The following TXLNB variants were observed in gnomAD, a reference collection of about 807,000 sequenced individuals.
TXLNB encodes the protein taxilin beta.
Under a neutral mutation model 57.4 loss-of-function variants are expected in TXLNB, and 37 were observed. The ratio of observed to expected loss-of-function variants is 0.64; its 90% CI spans 0.50 to 0.85. The LOEUF is 0.85. Ranked by LOEUF, TXLNB falls within the 40% of genes least tolerant of loss-of-function variation. The pLI is 0.00. For missense variants in TXLNB, 848 were observed against 825.6 expected, an observed-to-expected ratio of 1.03 and a Z score of -0.33; for synonymous variants, 302 against 309.6, an observed-to-expected ratio of 0.98 and a Z score of 0.26.
chr6:139,197,621 G>C, the TXLNB span: 1 of 152,192 alleles, frequency 6.6e-6, no homozygotes, highest in East Asian at 1.9e-4. Flanking sequence ...AGAGGAATCA[G>C]GAATCTGAGG....
At chr6:139,273,373 A>G (rs1776815793) in intron 3 of TXLNB, among the ~76,000 whole-genome samples, 1 of 152,272 alleles carries the variant, frequency 6.6e-6, no homozygotes, top group Non-Finnish European at 1.5e-5. Flanking sequence ...TCTGAGTGTC[A>G]GGAGGAAGAC....
the TXLNB span, among the ~76,000 whole-genome samples, chr6:139,171,228 A>G: frequency 2.6e-5 from 4 of 152,140 alleles, no homozygotes; most frequent in Non-Finnish European, 4.4e-5. Context: ...TAGGAAGAAA[A>G]GAGAAAAAAA....
intron 5 of TXLNB, 47 bp from the exon 6 acceptor site, chr6:139,260,484 C>A: frequency 1.9e-6 from 3 of 1,583,196 alleles, no homozygotes; most frequent in Non-Finnish European, 2.6e-6. Flanking sequence ...ATTATTGGTG[C>A]TTAAAAATGC....
the TXLNB span, among the ~76,000 whole-genome samples, chr6:139,305,422 AC>A: frequency 1.3e-5 from 2 of 152,136 alleles, no homozygotes; most frequent in Non-Finnish European, 2.9e-5. Flanking sequence ...ATGGATTATA[AC>A]CATATGCATT....
the TXLNB span, among the ~76,000 whole-genome samples, chr6:139,215,522 C>T: frequency 6.6e-6 from 1 of 152,072 alleles, no homozygotes; most frequent in Non-Finnish European, 1.5e-5. Context: ...CCATAAAAAC[C>T]CTAGAAGAAA....
chr6:139,314,578 G>T, the TXLNB span, among the ~76,000 whole-genome samples: 1 of 152,114 alleles, frequency 6.6e-6, no homozygotes, highest in African/African-American at 2.4e-5. Context: ...TTGACCACAC[G>T]TTCTCAGGAC....
chr6:139,207,604 C>T, the TXLNB span, among the ~76,000 whole-genome samples: 8 of 151,972 alleles, frequency 5.3e-5, no homozygotes, highest in Non-Finnish European at 1.2e-4. Flanking sequence ...TAAATACAAG[C>T]CCAGCAGAAG....
At chr6:139,187,801 TGA>T in the TXLNB span, among the ~76,000 whole-genome samples, 1 of 152,216 alleles carries the variant, frequency 6.6e-6, no homozygotes, top group African/African-American at 2.4e-5. Context: ...AAAGGTTGAT[TGA>T]GAGAAGATTC....
the TXLNB span, among the ~76,000 whole-genome samples, chr6:139,194,490 A>G: frequency 2.0e-5 from 3 of 152,222 alleles, no homozygotes; most frequent in South Asian, 6.2e-4. Context: ...TTAGACCAGA[A>G]TTCTTGGAAT....
chr6:139,168,177 A>G, the TXLNB span, among the ~76,000 whole-genome samples: 1 of 152,178 alleles, frequency 6.6e-6, no homozygotes, highest in African/African-American at 2.4e-5. Flanking sequence ...TGCTGTCTTC[A>G]TTCTCCAGCT....
Position 139,285,331 on chromosome 6 carries a change from G to A in TXLNB, c.424+3145C>T, listed in dbSNP as rs1191147997. On this transcript the variant is annotated intron_variant, in intron 2 of 9. Coordinates refer to ENST00000358430, the MANE Select transcript of TXLNB (RefSeq NM_153235.4). ...CCCAATTCTTATGTAAAAGTTTTAG[G>A]GTGATTGAAAAATAACTTTTCTGGT... 2.9e-5 allele frequency among the ~76,000 whole-genome samples: 4 copies of A among 139,036 alleles called. 1 individual carries two copies. Among genetic ancestry groups the A allele is most frequent in the African/African-American group, 8.0e-5 (3 of 37,342 alleles). The allele number at this position is 139,036 out of a possible 152,430, so 91.2% of individuals were successfully genotyped here.
chr6:139,220,700 G>C, the TXLNB span, among the ~76,000 whole-genome samples: 1 of 152,158 alleles, frequency 6.6e-6, no homozygotes, highest in African/African-American at 2.4e-5. Flanking sequence ...TTGGCACATA[G>C]GATAAAACTT....
chr6:139,273,174 A>G (rs905039573), intron 3 of TXLNB, among the ~76,000 whole-genome samples: 1 of 152,268 alleles, frequency 6.6e-6, no homozygotes, highest in Non-Finnish European at 1.5e-5. Flanking sequence ...ACTGGGCCAG[A>G]TAATTTTTTG....
intron 2 of TXLNB, among the ~76,000 whole-genome samples, chr6:139,277,798 C>G (rs1040752724): frequency 6.6e-6 from 1 of 152,024 alleles, no homozygotes; most frequent in African/African-American, 2.4e-5. Context: ...CTATGAAAAC[C>G]ACTCTGTTTA....
At chr6:139,236,733 T>C (rs1191121032), downstream of TXLNB, among the ~76,000 whole-genome samples, 1 of 152,156 alleles carries the variant, frequency 6.6e-6, no homozygotes, top group Non-Finnish European at 1.5e-5. Context: ...GCCTCCCAAG[T>C]AGCTGGGACC....
At chr6:139,249,201 G>A (rs1360593982) in intron 7 of TXLNB, among the ~76,000 whole-genome samples, 1 of 152,228 alleles carries the variant, frequency 6.6e-6, no homozygotes, top group Non-Finnish European at 1.5e-5. Context: ...CACAGGGAAG[G>A]AGAGTGTGTA....
At chr6:139,175,589 G>C in the TXLNB span, among the ~76,000 whole-genome samples, 1 of 152,166 alleles carries the variant, frequency 6.6e-6, no homozygotes, top group African/African-American at 2.4e-5. Context: ...TTTTGAGCCT[G>C]TTAACTCAGA....
chr6:139,240,131 A>G lies in TXLNB; in HGVS notation c.*2395T>C, dbSNP rs1027175766. The G allele has an allele frequency of 6.6e-6, 1 of 152,646 alleles. No homozygotes were observed. The highest frequency in any genetic ancestry group is 1.5e-5 in the Non-Finnish European group (1 of 68,030). 9.5% of individuals were successfully genotyped at this position (152,646 alleles called of 1,614,324 possible). The stretch of plus-strand genomic sequence containing the variant: ...ATTTAACTTAGAAAACAATAACTTT[A>G]GTGTTTCTAGAAAGTAGATGGCATT... On this transcript the variant is annotated 3_prime_UTR_variant, in exon 10 of 10. Coordinates refer to ENST00000358430, the MANE Select transcript of TXLNB (RefSeq NM_153235.4).
At chr6:139,198,259 T>G in the TXLNB span, among the ~76,000 whole-genome samples, 1 of 151,324 alleles carries the variant, frequency 6.6e-6, no homozygotes, top group Admixed American at 6.6e-5. Context: ...CCAGACAAAA[T>G]ACTAAATCTA....
Sources: gnomAD v4.1 joint callset for allele counts (sites outside exome capture counted in the v4.1 genomes callset) on GRCh38, gnomAD v4.1.1 for gene constraint, MANE v1.5 for transcripts, NCBI Gene and HGNC (gene_info 2026-07-23, HGNC 2026-07-21) for gene names.